Variants in RTN4 observed in about 807,000 individuals in gnomAD.
RTN4 encodes the protein reticulon-4.
A neutral mutation model predicts 90.4 loss-of-function variants in RTN4; 32 were observed. The ratio of observed to expected loss-of-function variants is 0.35; its 90% confidence interval spans 0.27 to 0.48. The LOEUF is 0.48. RTN4 is among the 20% of genes least tolerant of loss of function. The probability of loss-of-function intolerance (pLI) is 0.99; values close to 1 mark genes in which losing one functional copy is unlikely to be tolerated. For missense variants in RTN4, 1,706 were observed against 1,430.2 expected, an observed-to-expected ratio of 1.19 and a Z score of -3.11; for synonymous variants, 629 against 552.5, an observed-to-expected ratio of 1.14 and a Z score of -1.94.
At chr2:55,045,866 T>G (rs961515213) in intron 1 of RTN4, among the ~76,000 whole-genome samples, 1 of 152,194 alleles carries the variant, frequency 6.6e-6, no homozygotes, top group Non-Finnish European at 1.5e-5. Context: ...TAATTATGTT[T>G]GCACTGCTCT....
intron 3 of RTN4, among the ~76,000 whole-genome samples, chr2:55,016,567 G>A (rs776397947): frequency 6.6e-6 from 1 of 152,202 alleles, no homozygotes; most frequent in African/African-American, 2.4e-5. Flanking sequence ...CTGAGTGACA[G>A]AGCGAGACTA....
intron 1 of RTN4, among the ~76,000 whole-genome samples, chr2:55,032,906 C>T (rs1290932452): frequency 6.6e-6 from 1 of 151,790 alleles, no homozygotes; most frequent in Non-Finnish European, 1.5e-5. Context: ...TGCACACGTG[C>T]AGTTCTAGCA....
At chr2:55,099,930 T>C (rs1365053038) in intron 1 of RTN4, among the ~76,000 whole-genome samples, 1 of 152,146 alleles carries the variant, frequency 6.6e-6, no homozygotes, top group African/African-American at 2.4e-5. Flanking sequence ...GCCTCATCAT[T>C]GTTGCCTGCT....
In RTN4 at chr2:55,028,065, T is replaced by A. The variant is rs1558826491; in HGVS notation, c.613+99A>T. On this transcript the variant is annotated intron_variant, in intron 2 of 8. Transcript: ENST00000337526. ...AGACAAAACATTCTCGGAACCATGC[T>A]AATTTTTAGTAAACCCAAACTACTC... The A allele has an allele frequency of 3.1e-6, 3 of 976,970 alleles. No homozygotes were observed. The South Asian group carries it at 6.2e-5, about 20-fold the overall frequency. 60.5% of individuals were successfully genotyped at this position (976,970 alleles called of 1,614,324 possible). A position where few individuals can be genotyped will look rare whatever the true frequency, so the allele number is the denominator to read the frequency against.
rs1558826644 is a variant in RTN4 at position 55,028,181 on chromosome 2, A to C, written c.596T>G (p.Val199Gly). The C allele has an allele frequency of 1.2e-6, 2 of 1,613,084 alleles. No homozygotes were observed. The highest frequency in any genetic ancestry group is 1.7e-6 in the Non-Finnish European group (2 of 1,179,462). The change falls in exon 2 of 9, where the codon GTG (valine) becomes GGG (glycine). Residue 199 changes from valine (V) to glycine (G), a missense_variant. Coordinates refer to ENST00000337526, the MANE Select transcript of RTN4 (RefSeq NM_020532.5). ...GAACTTGCCTGCAGAGGAGCGTATCACAGGCTCAGATGCAGCAGGAAGAGC... is the reference window on the plus strand; with the variant it reads ...GAACTTGCCTGCAGAGGAGCGTATCCCAGGCTCAGATGCAGCAGGAAGAGC... ...LFALPAASEP[V>G]IRSSAENMDL...
Position 54,982,581 on chromosome 2 carries a change from A to G in RTN4, c.3294T>C (p.His1098=). Residue 1098 remains histidine, a synonymous_variant, in exon 5 of 9, where the codon CAT becomes CAC. Coordinates refer to ENST00000337526, the MANE Select transcript of RTN4 (RefSeq NM_020532.5). ...TGAGTTCCTTTATCGTGCAGTTCAC[A>G]TGACCAAGAGCAGAATTACTGTACT... ...VQKYSNSALG[H]VNCTIKELRR... The G allele has an allele frequency of 1.2e-6, 2 of 1,613,936 alleles. No homozygotes were observed. Among genetic ancestry groups the G allele is most frequent in the Middle Eastern group, 1.6e-4 (1 of 6,062 alleles).
chr2:55,034,721 GT>G (rs1408581640), intron 1 of RTN4, among the ~76,000 whole-genome samples: 1 of 152,136 alleles, frequency 6.6e-6, no homozygotes, highest in Non-Finnish European at 1.5e-5. Context: ...ATATGTAGAT[GT>G]TGAATATACA....
the RTN4 span, among the ~76,000 whole-genome samples, chr2:55,134,636 A>C: frequency 4.6e-5 from 7 of 152,222 alleles, no homozygotes; most frequent in Admixed American, 4.6e-4. Context: ...AGTTTAAATG[A>C]GGAAGAAGAA....
rs943713581 is a variant in RTN4 at position 55,039,852 on chromosome 2, A to C, written c.556+9893T>G. On this transcript the variant is annotated intron_variant, in intron 1 of 8. Transcript: ENST00000337526. Reference sequence around the variant, plus strand: ...ATTCTATTGTATTGAAGACATTTTAACCGTAGTTTTACCCTCAACTCTTTT... The same window carrying C: ...ATTCTATTGTATTGAAGACATTTTACCCGTAGTTTTACCCTCAACTCTTTT... Among the ~76,000 whole-genome samples, 4 of 152,210 alleles carry C rather than the reference A, an allele frequency of 2.6e-5. No individual in the cohort carries two copies. The East Asian group carries it at 7.7e-4, about 29-fold the overall frequency.
chr2:55,060,610 T>C (rs899108006), intron 2 of RTN4: 7 of 152,266 alleles, frequency 4.6e-5, no homozygotes, highest in African/African-American at 1.7e-4. Context: ...ACTCACAGTC[T>C]GGTGGCAGAG....
the RTN4 span, among the ~76,000 whole-genome samples, chr2:55,122,303 G>A: frequency 1.3e-5 from 2 of 152,096 alleles, no homozygotes; most frequent in African/African-American, 4.8e-5. Flanking sequence ...TTCAGAACAT[G>A]TTCCTGATTT....
intron 3 of RTN4, among the ~76,000 whole-genome samples, chr2:55,009,258 C>T (rs1328697073): frequency 6.6e-6 from 1 of 151,948 alleles, no homozygotes; most frequent in Non-Finnish European, 1.5e-5. Context: ...TTAAAAATAG[C>T]TCTAATAATT....
intron 1 of RTN4, chr2:55,046,799 A>T (rs1466567212): frequency 6.6e-6 from 1 of 152,222 alleles, no homozygotes; most frequent in African/African-American, 2.4e-5. Flanking sequence ...CCATAATCAC[A>T]ATGTTCTTAC....
At chr2:55,080,799 A>T (rs1668697083) in intron 1 of RTN4, among the ~76,000 whole-genome samples, 2 of 152,214 alleles carry the variant, frequency 1.3e-5, no homozygotes. Flanking sequence ...ACATTTATAC[A>T]TACATAATAC....
chr2:55,116,846 A>G (rs1476069933), upstream of RTN4, among the ~76,000 whole-genome samples: 1 of 149,816 alleles, frequency 6.7e-6, no homozygotes, highest in Admixed American at 6.7e-5. Context: ...TCCTTTATGC[A>G]TAGCTGTTTC....
chr2:55,054,829 C>T (rs1003509199), upstream of RTN4, among the ~76,000 whole-genome samples: 1 of 152,082 alleles, frequency 6.6e-6, no homozygotes, highest in African/African-American at 2.4e-5. Context: ...AAATTAACAG[C>T]GTGCTAAGTT....
chr2:55,049,871 G>C lies in RTN4; in HGVS notation c.430C>G (p.Pro144Ala). ...PEDDEPPARP[P>A]PPPPASVSPQ... ...CTCACGCTGGCCGGGGGAGGAGGGG[G>C]AGGCCGGGCCGGAGGCTCGTCGTCC... is the stretch of plus-strand genomic sequence containing the variant. The change falls in exon 1 of 9, where the codon CCC becomes GCC. Residue 144 changes from proline to alanine, a missense_variant. Physicochemically the swap from Pro to Ala is conservative, Grantham distance 27. Coordinates refer to ENST00000337526, the MANE Select transcript of RTN4 (RefSeq NM_020532.5). The C allele has an allele frequency of 7.6e-7, 1 of 1,317,792 alleles. No individual in the cohort carries two copies. Among genetic ancestry groups the C allele is most frequent in the Non-Finnish European group, 9.6e-7 (1 of 1,037,024 alleles). 81.6% of individuals were successfully genotyped at this position (1,317,792 alleles called of 1,614,324 possible).
intron 1 of RTN4, among the ~76,000 whole-genome samples, chr2:55,103,050 G>A (rs151214150): frequency 0.033 from 4,933 of 150,788 alleles, 253 homozygotes; most frequent in African/African-American, 0.1. Context: ...CCCGGGAGGC[G>A]GAGGTTGCAG....
chr2:54,986,103 C>T (rs1678538313), intron 4 of RTN4, among the ~76,000 whole-genome samples: 1 of 152,122 alleles, frequency 6.6e-6, no homozygotes, highest in Non-Finnish European at 1.5e-5. Context: ...GCAGCATGAA[C>T]ATGGGTACAA....
Sources: allele counts gnomAD v4.1 joint callset (sites outside exome capture counted in the v4.1 genomes callset), GRCh38; gene constraint gnomAD v4.1.1; transcripts MANE v1.5; gene names NCBI Gene and HGNC (gene_info 2026-07-23, HGNC 2026-07-21).